Variants in GRM7 observed in about 807,000 individuals in gnomAD.
The protein encoded by GRM7 is glutamate metabotropic receptor 7, also known as metabotropic glutamate receptor 7.
In GRM7, 35 loss-of-function variants were observed where a neutral mutation model predicts 84.5. That is an observed-to-expected ratio of 0.41 (90% confidence interval 0.32 to 0.55). GRM7 has a LOEUF of 0.55. Ranked by LOEUF, GRM7 falls within the 20% of genes least tolerant of loss-of-function variation. GRM7 has a pLI of 0.19. For missense variants in GRM7, 1,003 were observed against 1,194.6 expected, an observed-to-expected ratio of 0.84 and a Z score of 2.36; for synonymous variants, 487 against 455.1, an observed-to-expected ratio of 1.07 and a Z score of -0.89.
At chr3:7,194,361 C>G (rs1360882019) in intron 2 of GRM7, among the ~76,000 whole-genome samples, 1 of 152,158 alleles carries the variant, frequency 6.6e-6, no homozygotes, top group Non-Finnish European at 1.5e-5. Flanking sequence ...GTGAAGCATA[C>G]AGTGTGTTAA....
At chr3:7,074,588 A>T (rs1355635756) in intron 1 of GRM7, among the ~76,000 whole-genome samples, 1 of 152,228 alleles carries the variant, frequency 6.6e-6, no homozygotes, top group Non-Finnish European at 1.5e-5. Context: ...TGAAACTAAT[A>T]ACCACAAAAA....
intron 1 of GRM7, among the ~76,000 whole-genome samples, chr3:6,896,755 T>C (rs531054532): frequency 6.6e-6 from 1 of 152,292 alleles, no homozygotes. Context: ...TTTTTTTCCT[T>C]CTTAAAATGC....
intron 9 of GRM7, chr3:7,693,706 C>T (rs1193920861): frequency 6.8e-7 from 1 of 1,477,886 alleles, no homozygotes; most frequent in African/African-American, 1.4e-5. Context: ...AGTATCTGTC[C>T]TTCTAAGTGT....
At chr3:7,662,696 G>T (rs1391058348) in intron 8 of GRM7, among the ~76,000 whole-genome samples, 1 of 152,136 alleles carries the variant, frequency 6.6e-6, no homozygotes, top group Non-Finnish European at 1.5e-5. Context: ...AAATAGTTTA[G>T]CAAAAAGCGT....
chr3:7,503,390 GCA>G (rs145058096), intron 7 of GRM7, among the ~76,000 whole-genome samples: 1 of 150,774 alleles, frequency 6.6e-6, no homozygotes, highest in Non-Finnish European at 1.5e-5. Flanking sequence ...GCACGCACAT[GCA>G]CACACACACA....
intron 1 of GRM7, among the ~76,000 whole-genome samples, chr3:7,144,958 G>A (rs975032897): frequency 6.6e-6 from 1 of 152,182 alleles, no homozygotes; most frequent in Non-Finnish European, 1.5e-5. Context: ...AAAATGGTGG[G>A]TCGTCTGATT....
chr3:7,094,569 G>A (rs12491855), intron 1 of GRM7, among the ~76,000 whole-genome samples: 26,018 of 152,074 alleles, frequency 0.17, 2,297 homozygotes, highest in South Asian at 0.2. Context: ...TGTACTAGTT[G>A]CACTCCCATT....
At chr3:7,219,266 C>T (rs531138979) in intron 2 of GRM7, among the ~76,000 whole-genome samples, 11 of 73,772 alleles carry the variant, frequency 1.5e-4, no homozygotes, top group Admixed American at 3.7e-4. Context: ...TTGGTTCACA[C>T]GTCTAACCAT....
At chr3:7,283,735 T>C (rs1459826854) in intron 2 of GRM7, among the ~76,000 whole-genome samples, 1 of 152,072 alleles carries the variant, frequency 6.6e-6, no homozygotes, top group Non-Finnish European at 1.5e-5. Flanking sequence ...AGCCAAATCA[T>C]TGAAAAATTC....
At chr3:7,098,700 G>C (rs1004565581) in intron 1 of GRM7, among the ~76,000 whole-genome samples, 3 of 151,906 alleles carry the variant, frequency 2.0e-5, no homozygotes, top group East Asian at 3.9e-4. Flanking sequence ...ATATTTTTCG[G>C]TGCCATTTAT....
At chr3:7,478,229 G>A (rs1698998500) in intron 7 of GRM7, among the ~76,000 whole-genome samples, 1 of 152,042 alleles carries the variant, frequency 6.6e-6, no homozygotes. Flanking sequence ...CATGCCAACT[G>A]GAGGGAAATC....
At chr3:7,677,247 G>A (rs1247917887) in intron 8 of GRM7, among the ~76,000 whole-genome samples, 7 of 137,464 alleles carry the variant, frequency 5.1e-5, no homozygotes, top group Admixed American at 1.5e-4. Context: ...GGGCAATAGA[G>A]GGAGACTCTG....
In GRM7 at chr3:7,490,971, A is replaced by T. The variant is rs563887048; in HGVS notation, c.1515+29249A>T. Among the ~76,000 whole-genome samples the T allele has an allele frequency of 3.9e-5, 6 of 152,234 alleles. No homozygotes were observed. In the East Asian group the frequency reaches 7.7e-4, roughly 20 times the overall value. On this transcript the variant is annotated intron_variant, in intron 7 of 9. Transcript: ENST00000357716. ...AATTGTATTATCTAAAATAGAAAAA[A>T]TCTGAAAATAATTAAAATATTTTAC... is the stretch of plus-strand genomic sequence containing the variant.
At chr3:7,528,158 T>G (rs1016954397) in intron 7 of GRM7, among the ~76,000 whole-genome samples, 6 of 152,048 alleles carry the variant, frequency 3.9e-5, no homozygotes, top group Admixed American at 6.6e-5. Flanking sequence ...TCCAGGGCGT[T>G]GTTTTGGTTG....
chr3:7,338,791 G>A (rs966321573), intron 4 of GRM7, among the ~76,000 whole-genome samples: 1 of 151,914 alleles, frequency 6.6e-6, no homozygotes, highest in Admixed American at 6.6e-5. Context: ...ATAAATTTGG[G>A]GTACACTAGT....
intron 2 of GRM7, among the ~76,000 whole-genome samples, chr3:7,183,807 T>C (rs1695424913): frequency 6.6e-6 from 1 of 152,080 alleles, no homozygotes; most frequent in African/African-American, 2.4e-5. Flanking sequence ...CTATTCCAGA[T>C]ACATGCACAC....
intron 2 of GRM7, among the ~76,000 whole-genome samples, chr3:7,213,876 G>A (rs1297339554): frequency 6.6e-6 from 1 of 152,056 alleles, no homozygotes; most frequent in South Asian, 2.1e-4. Flanking sequence ...AAGGGGATCT[G>A]GGCAGCTCAC....
intron 1 of GRM7, among the ~76,000 whole-genome samples, chr3:6,906,186 C>A (rs11705793): frequency 0.13 from 19,402 of 152,100 alleles, 2,094 homozygotes; most frequent in East Asian, 0.56. Context: ...TTGACTTGGG[C>A]AATGGGGGCA....
At chr3:7,516,592 C>T (rs962595588) in intron 7 of GRM7, among the ~76,000 whole-genome samples, 4 of 148,682 alleles carry the variant, frequency 2.7e-5, no homozygotes, top group African/African-American at 9.8e-5. Flanking sequence ...ACTTTAGATT[C>T]TTAAGTGCAG....
Sources: gnomAD v4.1 joint callset for allele counts (sites outside exome capture counted in the v4.1 genomes callset) on GRCh38, gnomAD v4.1.1 for gene constraint, MANE v1.5 for transcripts, NCBI Gene and HGNC (gene_info 2026-07-23, HGNC 2026-07-21) for gene names.